Variants in LRRN1 observed in about 807,000 individuals in gnomAD.
LRRN1 encodes the protein leucine rich repeat neuronal 1.
A neutral mutation model predicts 45.8 loss-of-function variants in LRRN1; 14 were observed. That is an observed-to-expected ratio of 0.31 (90% CI 0.20 to 0.48). LRRN1 has a LOEUF of 0.48. Ranked by LOEUF, LRRN1 falls within the 20% of genes least tolerant of loss-of-function variation. The pLI, the probability that LRRN1 is intolerant of heterozygous loss-of-function variation, is 0.99. For synonymous variants in LRRN1, 359 were observed against 330.1 expected (o/e 1.09, Z -0.95); for missense variants, 789 against 874.2 (o/e 0.90, Z 1.23).
At position 3,848,489 on chromosome 3, in the gene LRRN1, T is replaced by A. The variant is rs1369830034; in HGVS notation, c.*1697T>A. On this transcript the variant is annotated 3_prime_UTR_variant, in exon 2 of 2. Transcript: ENST00000319331. ...GCCAGACAAGCAAAAGCAAGGAAGT[T>A]GGCAGAAAGAAAGTCCAGGTGATGT... 1.3e-5 allele frequency among the ~76,000 whole-genome samples: 2 copies of A among 152,182 alleles called. No individual in the cohort carries two copies. The highest frequency in any genetic ancestry group is 3.8e-4 in the East Asian group (2 of 5,196).
chr3:3,816,953 G>A lies in LRRN1; in HGVS notation c.-279+17034G>A, dbSNP rs116193583. On this transcript the variant is annotated intron_variant, in intron 1 of 1. Transcript: ENST00000319331. This position sits in a 1 kb window ranked among gnomAD's most constrained non-coding sequence, Gnocchi z 4.0. The stretch of plus-strand genomic sequence containing the variant: ...CAGAGAAAGAGAATGAATAGGATGG[G>A]TGATTGATTGATTGATTGATAAGAT... 5.2e-3 allele frequency among the ~76,000 whole-genome samples: 790 copies of A among 152,256 alleles called. 10 individuals carry two copies. Among genetic ancestry groups the A allele is most frequent in the African/African-American group, 0.018 (768 of 41,546 alleles).
Position 3,837,068 on chromosome 3 carries a change from C to T in LRRN1, c.-278-7296C>T, listed in dbSNP as rs373513522. 1.5e-3 allele frequency among the ~76,000 whole-genome samples: 231 copies of T among 152,216 alleles called. 2 individuals are homozygous for T. The highest frequency in any genetic ancestry group is 5.1e-3 in the African/African-American group (212 of 41,516). On this transcript the variant is annotated intron_variant, in intron 1 of 1. Transcript: ENST00000319331. ...GCCTTGAGAAGATGAAACAGGAAAC[C>T]TCACTTTCCTTTCACTTTCTCTGGA... is the stretch of plus-strand genomic sequence containing the variant.
chr3:3,801,528 G>A (rs976344035), intron 1 of LRRN1, among the ~76,000 whole-genome samples: 1 of 152,094 alleles, frequency 6.6e-6, no homozygotes, highest in African/African-American at 2.4e-5. Flanking sequence ...TATGTGTCCC[G>A]AAGTCTCTGA....
intron 1 of LRRN1, among the ~76,000 whole-genome samples, chr3:3,825,888 C>T (rs938159990): frequency 5.3e-5 from 8 of 152,108 alleles, no homozygotes; most frequent in Non-Finnish European, 1.2e-4. Context: ...AAATTTATAT[C>T]TAATCATCTA....
chr3:3,833,155 C>T (rs1252925002), intron 1 of LRRN1, among the ~76,000 whole-genome samples: 2 of 152,188 alleles, frequency 1.3e-5, no homozygotes, highest in African/African-American at 4.8e-5. Flanking sequence ...TTTTGCAGGG[C>T]ATTGGTCAAG....
intron 1 of LRRN1, among the ~76,000 whole-genome samples, chr3:3,809,438 C>G (rs573116066): frequency 6.0e-4 from 91 of 152,320 alleles, no homozygotes; most frequent in African/African-American, 2.1e-3. Flanking sequence ...GCCACTGCCC[C>G]CGGCCATGAA....
Position 3,848,720 on chromosome 3 carries a change from A to T in LRRN1, c.*1928A>T, listed in dbSNP as rs1458410201. Among the ~76,000 whole-genome samples, 1 of 152,172 alleles carries T rather than the reference A, an allele frequency of 6.6e-6. No homozygotes were observed. The highest frequency in any genetic ancestry group is 1.5e-5 in the Non-Finnish European group (1 of 68,024). On this transcript the variant is annotated 3_prime_UTR_variant, in exon 2 of 2. Coordinates refer to ENST00000319331, the MANE Select transcript of LRRN1 (RefSeq NM_020873.7). ...TTATTGGTGAGAAAAACCTGGGCCCAGGGAGGGCTTGCAGCTTACCCAGTT... is the reference window on the plus strand; with the variant it reads ...TTATTGGTGAGAAAAACCTGGGCCCTGGGAGGGCTTGCAGCTTACCCAGTT...
intron 1 of LRRN1, among the ~76,000 whole-genome samples, chr3:3,821,864 A>G (rs1224724521): frequency 6.6e-6 from 1 of 152,192 alleles, no homozygotes; most frequent in African/African-American, 2.4e-5. Context: ...TGATTTATCT[A>G]TTGAGTGCCC....
chr3:3,839,984 T>C (rs1004777102), intron 1 of LRRN1, among the ~76,000 whole-genome samples: 9 of 152,180 alleles, frequency 5.9e-5, no homozygotes, highest in Admixed American at 5.9e-4. Flanking sequence ...TCTTGTCTAA[T>C]TGCTGTGACT....
At chr3:3,841,923 G>A (rs1340175506) in intron 1 of LRRN1, among the ~76,000 whole-genome samples, 2 of 152,188 alleles carry the variant, frequency 1.3e-5, no homozygotes, top group Non-Finnish European at 2.9e-5. Flanking sequence ...TGATGGGGAT[G>A]TGTTCTGAGA....
rs5846290 is a variant in LRRN1, at chr3:3,800,139, CAAAAA to C, written c.-279+233_-279+237del. The stretch of plus-strand genomic sequence containing the variant: ...CCCCGTTTCCCCCCGTCCCCCTTGC[CAAAAA>C]AAAAAAAAAAAAGGTGTGGGAGAGC... On this transcript the variant is annotated intron_variant, in intron 1 of 1. Coordinates refer to ENST00000319331, the MANE Select transcript of LRRN1 (RefSeq NM_020873.7). Among the ~76,000 whole-genome samples the C allele has an allele frequency of 4.8e-5, 5 of 103,962 alleles. No individual in the cohort carries two copies. The South Asian group carries it at 1.3e-3, about 27-fold the overall frequency. The allele number at this position is 103,962 out of a possible 152,430, so 68.2% of individuals were successfully genotyped here.
In LRRN1 at chr3:3,846,251, A is replaced by G; in HGVS notation, c.1610A>G (p.His537Arg). ...LKIYVKQTES[H>R]SILVSWKVNS... ...ATATACGTCAAGCAGACAGAATCCC[A>G]TTCCATCTTAGTGTCCTGGAAAGTT... The change falls in exon 2 of 2, where the codon CAT becomes CGT. Residue 537 changes from histidine to arginine, a missense_variant. Physicochemically the swap from His to Arg is conservative, Grantham distance 29. Coordinates refer to ENST00000319331, the MANE Select transcript of LRRN1 (RefSeq NM_020873.7). This position sits in a 1 kb window ranked among gnomAD's most constrained non-coding sequence, Gnocchi z 5.7. 1 of 1,614,110 alleles carries G rather than the reference A, an allele frequency of 6.2e-7. No individual in the cohort carries two copies. The highest frequency in any genetic ancestry group is 8.5e-7 in the Non-Finnish European group (1 of 1,180,030).
rs34173470 is a variant in LRRN1, at chr3:3,847,383, C to CTTTTTTTT, written c.*598_*605dup. 6.6e-6 allele frequency: 1 copy of CTTTTTTTT among 152,666 alleles called. No individual in the cohort carries two copies. Among genetic ancestry groups the CTTTTTTTT allele is most frequent in the Non-Finnish European group, 1.6e-5 (1 of 64,108 alleles). The allele number at this position is 152,666 out of a possible 1,614,324, so 9.5% of individuals were successfully genotyped here. A position where few individuals can be genotyped will look rare whatever the true frequency, so the allele number is the denominator to read the frequency against. On this transcript the variant is annotated 3_prime_UTR_variant, in exon 2 of 2. Coordinates refer to ENST00000319331, the MANE Select transcript of LRRN1 (RefSeq NM_020873.7). Reference sequence around the variant, plus strand: ...AAACAATGAATTTTCTTTTTCTTTCCTTTTTTTTTTTTTTGTTGTAATAGT... The same window carrying CTTTTTTTT: ...AAACAATGAATTTTCTTTTTCTTTCCTTTTTTTTTTTTTTTTTTTTTTGTTGTAATAGT...
Position 3,799,580 on chromosome 3 carries a change from C to G in LRRN1, c.-618C>G, listed in dbSNP as rs1206494129. The G allele has an allele frequency of 6.6e-6, 1 of 152,180 alleles. No individual in the cohort carries two copies. Among genetic ancestry groups the G allele is most frequent in the Non-Finnish European group, 1.5e-5 (1 of 68,064 alleles). The allele number at this position is 152,180 out of a possible 1,614,324, so 9.4% of individuals were successfully genotyped here. On this transcript the variant is annotated 5_prime_UTR_variant, in exon 1 of 2. Coordinates refer to ENST00000319331, the MANE Select transcript of LRRN1 (RefSeq NM_020873.7). ...CGGCATCCCTAGGCGCCTGGGGCGC[C>G]TTCCTCCGGACCTGGCCGCTCGCTG... is the stretch of plus-strand genomic sequence containing the variant.
At chr3:3,839,798 A>T (rs928167479) in intron 1 of LRRN1, among the ~76,000 whole-genome samples, 1 of 152,080 alleles carries the variant, frequency 6.6e-6, no homozygotes, top group Admixed American at 6.5e-5. Flanking sequence ...TTGTTAGTTT[A>T]TGGAAATATA....
At chr3:3,837,918 G>T (rs189277811) in intron 1 of LRRN1, among the ~76,000 whole-genome samples, 2 of 151,728 alleles carry the variant, frequency 1.3e-5, no homozygotes, top group African/African-American at 4.8e-5. Flanking sequence ...TGTGTGTGTC[G>T]TTCCCCTCCC....
intron 1 of LRRN1, among the ~76,000 whole-genome samples, chr3:3,828,075 GCTCA>G (rs1485307033): frequency 1.3e-5 from 2 of 151,234 alleles, no homozygotes; most frequent in African/African-American, 2.4e-5. Context: ...GTATTTGAGG[GCTCA>G]CTATGTGCTG....
intron 1 of LRRN1, among the ~76,000 whole-genome samples, chr3:3,811,069 C>G (rs1029561528): frequency 6.6e-6 from 1 of 152,138 alleles, no homozygotes; most frequent in African/African-American, 2.4e-5. Context: ...AGCTGGTCAC[C>G]TGGCTACCCT....
chr3:3,818,758 A>G (rs1329946808), intron 1 of LRRN1, among the ~76,000 whole-genome samples: 2 of 152,168 alleles, frequency 1.3e-5, no homozygotes, highest in Non-Finnish European at 2.9e-5. Context: ...GAAGTTATAA[A>G]GATCATAGAG....
Sources: gnomAD v4.1 joint callset for allele counts (sites outside exome capture counted in the v4.1 genomes callset) on GRCh38, gnomAD v4.1.1 for gene constraint, Gnocchi (gnomAD v3.1) non-coding constraint, MANE v1.5 for transcripts, NCBI Gene and HGNC (gene_info 2026-07-23, HGNC 2026-07-21) for gene names.